ZNF385C: variants seen among roughly 807,000 people sequenced by gnomAD.
ZNF385C encodes CTD-2132N18.2.
A neutral mutation model predicts 35.4 loss-of-function variants in ZNF385C; 28 were observed. That is an observed-to-expected ratio of 0.79 (90% confidence interval 0.59 to 1.08). The LOEUF is 1.08. Among genes scored for constraint, ZNF385C ranks in the 50% least tolerant of loss-of-function variants. The pLI, the probability that ZNF385C is intolerant of heterozygous loss-of-function variation, is 0.00. For synonymous variants in ZNF385C, 248 were observed against 248.2 expected, an observed-to-expected ratio of 1.00 and a Z score of 0.01; for missense variants, 605 against 595.6, an observed-to-expected ratio of 1.02 and a Z score of -0.16.
In ZNF385C at chr17:42,027,963, G is replaced by A; in HGVS notation, c.1164+87C>T. ...CAGCCTGCTCTGCTGTGCCCTGCCT[G>A]CTCTCTTCAGGGTCCCTCCCTCTGC... is the stretch of plus-strand genomic sequence containing the variant. On this transcript the variant is annotated intron_variant, in intron 7 of 8. Transcript: ENST00000692273. 2.0e-6 allele frequency: 3 copies of A among 1,502,236 alleles called. No individual in the cohort carries two copies. The South Asian group carries it at 3.6e-5, about 18-fold the overall frequency. 93.1% of individuals were successfully genotyped at this position (1,502,236 alleles called of 1,614,324 possible).
intron 5 of ZNF385C, 38 bp downstream of exon 5, chr17:42,031,581 G>T (rs570067578): frequency 2.2e-5 from 33 of 1,523,032 alleles, no homozygotes; most frequent in Middle Eastern, 1.7e-4. Context: ...ACCAGATTTG[G>T]AGTGGAGACG....
intron 2 of ZNF385C, chr17:42,039,374 C>T (rs925773929): frequency 1.1e-5 from 3 of 265,332 alleles, no homozygotes; most frequent in Non-Finnish European, 1.4e-5. Flanking sequence ...AAACTCCCAT[C>T]TTTGGGGGGA....
intron 1 of ZNF385C, among the ~76,000 whole-genome samples, chr17:42,069,782 C>A (rs1389285771): frequency 6.6e-6 from 1 of 152,246 alleles, no homozygotes; most frequent in Non-Finnish European, 1.5e-5. Context: ...GTGGCTCTTG[C>A]CTGTAATCCC....
Position 42,026,753 on chromosome 17 carries a change from A to T in ZNF385C, c.*144T>A. On this transcript the variant is annotated 3_prime_UTR_variant, in exon 9 of 9. Transcript: ENST00000692273. ...CAGTCCTTGGAAGGCAGCTGCCCTT[A>T]AAACTAGCCCAGCTCTTTCTGGATC... is the stretch of plus-strand genomic sequence containing the variant. 1.2e-6 allele frequency: 1 copy of T among 842,694 alleles called. No homozygotes were observed. Among genetic ancestry groups the T allele is most frequent in the Non-Finnish European group, 2.0e-6 (1 of 510,404 alleles). The allele number at this position is 842,694 out of a possible 1,614,324, so 52.2% of individuals were successfully genotyped here.
At chr17:42,044,918 C>CT (rs71157603) in intron 2 of ZNF385C, among the ~76,000 whole-genome samples, 108,045 of 132,520 alleles carry the variant, frequency 0.82, 45,816 homozygotes, top group Non-Finnish European at 0.93. Context: ...CCAACTCTAC[C>CT]TTTTTTTTTT....
chr17:42,034,799 GAAAAGA>G (rs767923414), intron 3 of ZNF385C, among the ~76,000 whole-genome samples: 15 of 132,358 alleles, frequency 1.1e-4, no homozygotes, highest in Admixed American at 2.2e-4. Context: ...AAAAAAAAAA[GAAAAGA>G]AAAAGAAAAA....
At chr17:42,040,144 G>C (rs1369560116) in intron 2 of ZNF385C, 1 of 1,231,346 alleles carries the variant, frequency 8.1e-7, no homozygotes, top group East Asian at 3.2e-5. Flanking sequence ...CAGCTCCTCC[G>C]GCGCCTGCGG....
rs71157603 is a variant in ZNF385C, at chr17:42,044,918, C to CTT, written c.251-7035_251-7034dup. Among the ~76,000 whole-genome samples the CTT allele has an allele frequency of 4.0e-3, 529 of 132,558 alleles. 4 individuals are homozygous for CTT. Among genetic ancestry groups the CTT allele is most frequent in the African/African-American group, 6.6e-3 (235 of 35,824 alleles). 87.0% of individuals were successfully genotyped at this position (132,558 alleles called of 152,430 possible). A position where few individuals can be genotyped will look rare whatever the true frequency, so the allele number is the denominator to read the frequency against. ...ATTGGCCAAAACCTGCCAACTCTAC[C>CTT]TTTTTTTTTTTTTTTTTGAGACAGA... is the stretch of plus-strand genomic sequence containing the variant. On this transcript the variant is annotated intron_variant, in intron 2 of 8. Transcript: ENST00000692273.
Position 42,057,720 on chromosome 17 carries a change from G to A in ZNF385C, c.250+5087C>T, listed in dbSNP as rs967370246. Among the ~76,000 whole-genome samples the A allele has an allele frequency of 4.5e-4, 68 of 152,140 alleles. No individual in the cohort carries two copies. In the Middle Eastern group the frequency reaches 0.017, roughly 38 times the overall value. On this transcript the variant is annotated intron_variant, in intron 2 of 8. Transcript: ENST00000692273. ...AGCACTTTGGGAGGCCGACCAGGTGGATCACCTGAGGTCAGGAGTTTGAGA... is the reference window on the plus strand; with the variant it reads ...AGCACTTTGGGAGGCCGACCAGGTGAATCACCTGAGGTCAGGAGTTTGAGA...
Position 42,029,038 on chromosome 17 carries a change from G to A in ZNF385C, c.712C>T (p.Pro238Ser), listed in dbSNP as rs1555654718. Residue 238 changes from proline (P) to serine (S), a missense_variant, in exon 6 of 9, where the codon CCA becomes TCA. Pro to Ser is a moderately conservative substitution (Grantham distance 74). Transcript: ENST00000692273. ...AAPPLGPPLQ[P>S]PPTPDPTCRE... The stretch of plus-strand genomic sequence containing the variant: ...CATGTAGGGTCTGGAGTTGGTGGTG[G>A]CTGGAGTGGAGGCCCAAGAGGAGGG... 2 of 1,550,200 alleles carry A rather than the reference G, an allele frequency of 1.3e-6. No individual in the cohort carries two copies. Among genetic ancestry groups the A allele is most frequent in the Non-Finnish European group, 1.7e-6 (2 of 1,146,950 alleles).
Position 42,098,402 on chromosome 17 carries a change from C to T in ZNF385C, c.-3+8G>A, listed in dbSNP as rs1197868214. The T allele has an allele frequency of 1.3e-5, 2 of 152,222 alleles. No homozygotes were observed. Among genetic ancestry groups the T allele is most frequent in the African/African-American group, 2.4e-5 (1 of 41,454 alleles). The allele number at this position is 152,222 out of a possible 1,614,324, so 9.4% of individuals were successfully genotyped here. A position where few individuals can be genotyped will look rare whatever the true frequency, so the allele number is the denominator to read the frequency against. On this transcript the variant is annotated splice_region_variant and intron_variant, in intron 1 of 8. Transcript: ENST00000692273. Reference sequence around the variant, plus strand: ...CTCGGCGTGGACTAGCCCGCGTCGCCGTCTTACCTGCGGGGCAGAGACGGA... The same window carrying T: ...CTCGGCGTGGACTAGCCCGCGTCGCTGTCTTACCTGCGGGGCAGAGACGGA...
intron 2 of ZNF385C, among the ~76,000 whole-genome samples, chr17:42,047,321 T>G (rs189960628): frequency 6.6e-6 from 1 of 151,836 alleles, no homozygotes; most frequent in East Asian, 1.9e-4. Flanking sequence ...TGTGAGCCAC[T>G]GCGCCTGGCC....
At chr17:42,038,766 C>G (rs2052927639) in intron 2 of ZNF385C, 1 of 152,186 alleles carries the variant, frequency 6.6e-6, no homozygotes, top group African/African-American at 2.4e-5. Flanking sequence ...CACAGTTATA[C>G]ACAGAAAAGG....
intron 2 of ZNF385C, among the ~76,000 whole-genome samples, chr17:42,041,952 T>A (rs2053032697): frequency 6.6e-6 from 1 of 152,192 alleles, no homozygotes; most frequent in African/African-American, 2.4e-5. Context: ...GGACCTTGCT[T>A]TTCAACACAA....
At chr17:42,065,648 A>C (rs2053536618) in intron 1 of ZNF385C, among the ~76,000 whole-genome samples, 1 of 152,200 alleles carries the variant, frequency 6.6e-6, no homozygotes, top group Non-Finnish European at 1.5e-5. Context: ...TGTGGATGGA[A>C]CAGAGGAGCA....
At chr17:42,048,633 G>A (rs1007972238) in intron 2 of ZNF385C, among the ~76,000 whole-genome samples, 7 of 152,112 alleles carry the variant, frequency 4.6e-5, no homozygotes, top group Admixed American at 4.6e-4. Context: ...TAGGTGCCCT[G>A]TCCAGAAACC....
intron 5 of ZNF385C, 129 bp downstream of exon 5, chr17:42,031,490 T>C (rs910044412): frequency 7.5e-6 from 9 of 1,201,328 alleles, no homozygotes; most frequent in Non-Finnish European, 9.1e-6. Context: ...GTGGTACACT[T>C]GTGTGCCTTT....
At position 42,062,935 on chromosome 17, in the gene ZNF385C, G is replaced by T. The variant is rs782812830; in HGVS notation, c.122C>A (p.Ser41Ter). The change falls in exon 2 of 9, where the codon TCG becomes TAG. Residue 41 changes from serine to a stop codon, truncating the protein, a stop_gained. Transcript: ENST00000692273. LOFTEE classifies it high-confidence loss of function. ...PKPKRERKRP[S>*]YTLCDVCNIQ... ...GTTGCAGACATCACAGAGCGTGTAC[G>T]ATGGCCGCTTTCTTTCTCGCTTGGG... The T allele has an allele frequency of 2.0e-5, 14 of 697,264 alleles. No homozygotes were observed. Among genetic ancestry groups the T allele is most frequent in the Admixed American group, 4.1e-5 (2 of 49,266 alleles). 43.2% of individuals were successfully genotyped at this position (697,264 alleles called of 1,614,324 possible).
chr17:42,044,687 T>C (rs1555656459), intron 2 of ZNF385C, among the ~76,000 whole-genome samples: 1 of 151,852 alleles, frequency 6.6e-6, no homozygotes, highest in African/African-American at 2.4e-5. Flanking sequence ...AAGATTTGCT[T>C]TCTCTAAAGC....
Sources: gnomAD v4.1 joint callset for allele counts (sites outside exome capture counted in the v4.1 genomes callset) on GRCh38, gnomAD v4.1.1 for gene constraint, MANE v1.5 for transcripts, NCBI Gene and HGNC (gene_info 2026-07-23, HGNC 2026-07-21) for gene names.